Variants in LMBR1 observed in about 807,000 individuals in gnomAD.
The protein encoded by LMBR1 is limb development membrane protein 1.
In LMBR1, 52 loss-of-function variants were observed where a neutral mutation model predicts 73.9. That is an observed-to-expected ratio of 0.70 (90% CI 0.56 to 0.89). LMBR1 has a LOEUF of 0.89. LMBR1 is among the 40% of genes least tolerant of loss of function. The pLI is 0.00. For missense variants in LMBR1, 539 were observed against 579.8 expected (o/e 0.93, Z 0.72); for synonymous variants, 215 against 209.4 (o/e 1.03, Z -0.23).
intron 4 of LMBR1, among the ~76,000 whole-genome samples, chr7:156,821,749 G>A (rs1422131510): frequency 6.6e-6 from 1 of 151,778 alleles, no homozygotes; most frequent in Non-Finnish European, 1.5e-5. Flanking sequence ...TAGGCTGACT[G>A]GCTCTGTGGA....
At chr7:156,700,519 T>A (rs937728686) in intron 15 of LMBR1, among the ~76,000 whole-genome samples, 1 of 152,104 alleles carries the variant, frequency 6.6e-6, no homozygotes, top group African/African-American at 2.4e-5. Context: ...GTTGTGCACA[T>A]GTACCCTAAA....
chr7:156,890,529 T>TG (rs1374506184), intron 1 of LMBR1, among the ~76,000 whole-genome samples: 3 of 152,298 alleles, frequency 2.0e-5, no homozygotes, highest in Admixed American at 6.5e-5. Flanking sequence ...AATTTTTAAA[T>TG]GGGGAAAAAA....
chr7:156,848,437 C>T (rs1381162642), intron 1 of LMBR1, among the ~76,000 whole-genome samples: 1 of 152,120 alleles, frequency 6.6e-6, no homozygotes, highest in African/African-American at 2.4e-5. Flanking sequence ...TGAAAAAATG[C>T]TCAGCATTAT....
chr7:156,811,070 C>CA (rs1833012626), intron 4 of LMBR1, among the ~76,000 whole-genome samples: 1 of 152,068 alleles, frequency 6.6e-6, no homozygotes, highest in Non-Finnish European at 1.5e-5. Context: ...CTCAGCCTCC[C>CA]AAAGTGCCAG....
chr7:156,731,909 T>C (rs910951899), intron 10 of LMBR1, among the ~76,000 whole-genome samples: 1 of 150,426 alleles, frequency 6.6e-6, no homozygotes, highest in African/African-American at 2.5e-5. Flanking sequence ...ATCTTGTAAT[T>C]CCATATCTAG....
In LMBR1 at chr7:156,883,214, A is replaced by T. The variant is rs1342883279; in HGVS notation, c.66+9714T>A. Among the ~76,000 whole-genome samples the T allele has an allele frequency of 3.3e-5, 5 of 152,234 alleles. No homozygotes were observed. In the East Asian group the frequency reaches 9.7e-4, roughly 29 times the overall value. On this transcript the variant is annotated intron_variant, in intron 1 of 16. Transcript: ENST00000353442. Reference sequence around the variant, plus strand: ...TCTGGAGTTCAAGACCACCCTGGCCAACAGGTGAAACCTGTCTCTACTGAA... The same window carrying T: ...TCTGGAGTTCAAGACCACCCTGGCCTACAGGTGAAACCTGTCTCTACTGAA...
chr7:156,708,040 A>G (rs555323694), intron 15 of LMBR1, among the ~76,000 whole-genome samples: 3 of 152,188 alleles, frequency 2.0e-5, no homozygotes, highest in East Asian at 3.9e-4. Context: ...TATATAAAAA[A>G]AAAAAAAAAC....
Position 156,679,173 on chromosome 7 carries a change from T to C in LMBR1, c.*4905A>G, listed in dbSNP as rs2240642. The stretch of plus-strand genomic sequence containing the variant: ...GCGTTCCTTGTCGGTAAAATGCAGA[T>C]GTGTATTTTCGGCTTCGCAAGGTGG... On this transcript the variant is annotated 3_prime_UTR_variant, in exon 17 of 17. Transcript: ENST00000353442. 0.079 allele frequency: 12,055 copies of C among 152,234 alleles called. 569 individuals are homozygous for C. The highest frequency in any genetic ancestry group is 0.23 in the South Asian group (1,091 of 4,816). 9.4% of individuals were successfully genotyped at this position (152,234 alleles called of 1,614,324 possible). A position where few individuals can be genotyped will look rare whatever the true frequency, so the allele number is the denominator to read the frequency against.
At chr7:156,733,746 A>T (rs890626578) in intron 10 of LMBR1, 5 of 152,478 alleles carry the variant, frequency 3.3e-5, no homozygotes, top group African/African-American at 9.6e-5. Context: ...AAAATTTCCA[A>T]ATTAGTTGAA....
chr7:156,683,958 G>C lies in LMBR1; in HGVS notation c.*120C>G. 1 of 754,112 alleles carries C rather than the reference G, an allele frequency of 1.3e-6. No homozygotes were observed. Among genetic ancestry groups the C allele is most frequent in the Non-Finnish European group, 2.2e-6 (1 of 447,192 alleles). The allele number at this position is 754,112 out of a possible 1,614,324, so 46.7% of individuals were successfully genotyped here. A position where few individuals can be genotyped will look rare whatever the true frequency, so the allele number is the denominator to read the frequency against. The stretch of plus-strand genomic sequence containing the variant: ...TAGATTATGAAAAAAAAATGGCACT[G>C]ATAGGTCTAGGTTCTGAAGAGGGGC... On this transcript the variant is annotated 3_prime_UTR_variant, in exon 17 of 17. Coordinates refer to ENST00000353442, the MANE Select transcript of LMBR1 (RefSeq NM_022458.4).
chr7:156,879,499 C>T (rs1800724369), intron 1 of LMBR1, among the ~76,000 whole-genome samples: 1 of 151,966 alleles, frequency 6.6e-6, no homozygotes, highest in Admixed American at 6.6e-5. Flanking sequence ...CCCGTCTCTA[C>T]TAAAAACACA....
At chr7:156,693,142 T>G (rs1807567350) in intron 15 of LMBR1, among the ~76,000 whole-genome samples, 1 of 152,060 alleles carries the variant, frequency 6.6e-6, no homozygotes. Context: ...GTACTTGTGA[T>G]TAGAGTCCCT....
intron 1 of LMBR1, among the ~76,000 whole-genome samples, chr7:156,845,047 T>TA (rs1348233893): frequency 6.6e-6 from 1 of 152,144 alleles, no homozygotes; most frequent in Non-Finnish European, 1.5e-5. Context: ...ATAAGTATCA[T>TA]AAAAGAGTGA....
At position 156,685,639 on chromosome 7, in the gene LMBR1, CT is replaced by C. The variant is rs1433625054; in HGVS notation, c.1388-1477del. On this transcript the variant is annotated intron_variant, in intron 16 of 16. Transcript: ENST00000353442. This position sits in a 1 kb window ranked among gnomAD's most constrained non-coding sequence, Gnocchi z 4.1. ...CATTACAACAGCCGCCACGCCACTG[CT>C]GGCAGAAACGGTTCAGCTCCATGAT... is the stretch of plus-strand genomic sequence containing the variant. Among the ~76,000 whole-genome samples the C allele has an allele frequency of 6.6e-6, 1 of 152,228 alleles. No individual in the cohort carries two copies. Among genetic ancestry groups the C allele is most frequent in the Non-Finnish European group, 1.5e-5 (1 of 68,042 alleles).
chr7:156,753,271 A>G (rs144694378), intron 9 of LMBR1, among the ~76,000 whole-genome samples: 28 of 152,118 alleles, frequency 1.8e-4, no homozygotes, highest in African/African-American at 6.3e-4. Flanking sequence ...AGAAACGAGG[A>G]GCAAAAATCC....
intron 15 of LMBR1, among the ~76,000 whole-genome samples, chr7:156,714,999 T>G (rs905893129): frequency 9.2e-5 from 14 of 151,494 alleles, no homozygotes; most frequent in Non-Finnish European, 1.8e-4. Flanking sequence ...TCACCCAGGC[T>G]GGAGTGCAGT....
chr7:156,820,554 T>C (rs1834600089), intron 4 of LMBR1, among the ~76,000 whole-genome samples: 1 of 152,112 alleles, frequency 6.6e-6, no homozygotes, highest in Non-Finnish European at 1.5e-5. Flanking sequence ...TGACAAAAAT[T>C]TAGGGGCCTT....
At chr7:156,888,957 G>A (rs1802418376) in intron 1 of LMBR1, among the ~76,000 whole-genome samples, 1 of 152,118 alleles carries the variant, frequency 6.6e-6, no homozygotes, top group African/African-American at 2.4e-5. Flanking sequence ...GGGAGGCTGA[G>A]GCAGGAGAAT....
In LMBR1 at chr7:156,892,940, C is replaced by T; in HGVS notation, c.54G>A (p.Val18=). 6.5e-7 allele frequency: 1 copy of T among 1,539,978 alleles called. No homozygotes were observed. Among genetic ancestry groups the T allele is most frequent in the Non-Finnish European group, 8.7e-7 (1 of 1,150,994 alleles). ...GGTCCCCACGCACCGTGGACTCCCGCACTTGGCTGTGGAAGTGCTGCTCCC... is the reference window on the plus strand; with the variant it reads ...GGTCCCCACGCACCGTGGACTCCCGTACTTGGCTGTGGAAGTGCTGCTCCC... ...SAREQHFHSQ[V]RESTICFLLF... Residue 18 remains valine, a synonymous_variant, in exon 1 of 17, where the codon GTG becomes GTA. Transcript: ENST00000353442.
Sources: allele counts gnomAD v4.1 joint callset (sites outside exome capture counted in the v4.1 genomes callset), GRCh38; gene constraint gnomAD v4.1.1; non-coding constraint Gnocchi (gnomAD v3.1); transcripts MANE v1.5; gene names NCBI Gene and HGNC (gene_info 2026-07-23, HGNC 2026-07-21).